CRISPLD2: variants seen among roughly 807,000 people sequenced by gnomAD.
The protein encoded by CRISPLD2 is cysteine-rich secretory protein LCCL domain-containing 2.
A neutral mutation model predicts 71.1 loss-of-function variants in CRISPLD2; 47 were observed. The observed-to-expected ratio is 0.66, with a 90% CI of 0.52 to 0.84. CRISPLD2 has a LOEUF of 0.84. CRISPLD2 is among the 40% of genes least tolerant of loss of function. The pLI is 0.00. For missense variants in CRISPLD2, 830 were observed against 651.1 expected, an observed-to-expected ratio of 1.27 and a Z score of -2.99; for synonymous variants, 317 against 250.1, an observed-to-expected ratio of 1.27 and a Z score of -2.52.
chr16:84,876,013 G>C (rs141112020), intron 11 of CRISPLD2, among the ~76,000 whole-genome samples: 24 of 152,252 alleles, frequency 1.6e-4, no homozygotes, highest in African/African-American at 5.5e-4. Flanking sequence ...GGACCAGCAG[G>C]GTTCAGCAAA....
At chr16:84,892,374 C>G (rs1207193054) in intron 14 of CRISPLD2, among the ~76,000 whole-genome samples, 1 of 152,232 alleles carries the variant, frequency 6.6e-6, no homozygotes, top group Non-Finnish European at 1.5e-5. Flanking sequence ...TGACACAAGT[C>G]AGTCAGCACA....
intron 1 of CRISPLD2, among the ~76,000 whole-genome samples, chr16:84,825,318 T>C (rs905888858): frequency 7.9e-5 from 12 of 152,106 alleles, no homozygotes; most frequent in African/African-American, 2.2e-4. Context: ...ACCTTAACAC[T>C]TTGGGAGGTC....
At chr16:84,906,018 T>C (rs1209186900) in intron 14 of CRISPLD2, among the ~76,000 whole-genome samples, 15 of 152,130 alleles carry the variant, frequency 9.9e-5, no homozygotes, top group Admixed American at 1.3e-4. Flanking sequence ...TAAAGCTCTT[T>C]TTTAAAAACC....
chr16:84,868,784 A>C (rs1004546363), intron 7 of CRISPLD2, 67 bp from the exon 8 acceptor site: 5 of 1,259,708 alleles, frequency 4.0e-6, no homozygotes, highest in South Asian at 3.6e-5. Flanking sequence ...GTCCCTCAGC[A>C]TGGGGAAGGG....
chr16:84,824,334 A>G (rs1258461014), intron 1 of CRISPLD2, among the ~76,000 whole-genome samples: 3 of 152,226 alleles, frequency 2.0e-5, no homozygotes, highest in Admixed American at 6.5e-5. Context: ...AACAGAGAGT[A>G]ACACGGTGGC....
intron 1 of CRISPLD2, among the ~76,000 whole-genome samples, chr16:84,825,572 A>G (rs886318285): frequency 5.3e-5 from 8 of 152,180 alleles, no homozygotes; most frequent in Admixed American, 4.6e-4. Flanking sequence ...CCTGGCTAAC[A>G]TGGCAAAACC....
In CRISPLD2 at chr16:84,898,359, C is replaced by T. The variant is rs184403441; in HGVS notation, c.1440-8229C>T. ...CATTCAAGGCCGCAGCTGCTTCGGC[C>T]CCTGCCCGCTCCCCCACCCTCTCTG... is the stretch of plus-strand genomic sequence containing the variant. On this transcript the variant is annotated intron_variant, in intron 14 of 14. Transcript: ENST00000262424. 1.9e-4 allele frequency among the ~76,000 whole-genome samples: 29 copies of T among 152,310 alleles called. No homozygotes were observed. In the East Asian group the frequency reaches 4.4e-3, roughly 23 times the overall value.
chr16:84,843,839 G>A (rs1258788361), intron 2 of CRISPLD2, among the ~76,000 whole-genome samples: 1 of 152,200 alleles, frequency 6.6e-6, no homozygotes, highest in Non-Finnish European at 1.5e-5. Context: ...TGTGACCTCA[G>A]GCATGCTACT....
chr16:84,838,335 C>T (rs1163402615), intron 1 of CRISPLD2, 87 bp from the exon 2 acceptor site: 14 of 796,382 alleles, frequency 1.8e-5, no homozygotes, highest in African/African-American at 6.9e-5. Context: ...TGGAGAGAGT[C>T]GTGTGTGCTG....
In CRISPLD2 at chr16:84,865,238, C is replaced by T. The variant is rs144801890; in HGVS notation, c.710-1659C>T. 6.4e-3 allele frequency among the ~76,000 whole-genome samples: 970 copies of T among 152,016 alleles called. 7 individuals are homozygous for T. Among genetic ancestry groups the T allele is most frequent in the African/African-American group, 0.022 (915 of 41,436 alleles). On this transcript the variant is annotated intron_variant, in intron 6 of 14. Coordinates refer to ENST00000262424, the MANE Select transcript of CRISPLD2 (RefSeq NM_031476.4). ...TGGCACGATCTCCACTCACTGCAAC[C>T]TCCACCTCCCAGGTTCAAGCAATTC...
At chr16:84,836,730 G>A (rs11149691) in intron 1 of CRISPLD2, among the ~76,000 whole-genome samples, 45,244 of 149,658 alleles carry the variant, frequency 0.3, 8,655 homozygotes, top group Non-Finnish European at 0.42. Flanking sequence ...TCCCCACCCC[G>A]GCCCCACCCG....
chr16:84,849,393 C>G lies in CRISPLD2; in HGVS notation c.368C>G (p.Ser123Cys). 6.2e-7 allele frequency: 1 copy of G among 1,613,328 alleles called. No individual in the cohort carries two copies. The highest frequency in any genetic ancestry group is 8.5e-7 in the Non-Finnish European group (1 of 1,179,424). Residue 123 changes from serine (S) to cysteine (C), a missense_variant, in exon 4 of 15, where the codon TCT becomes TGT. By Grantham distance (112) the Ser-to-Cys change is moderately radical. Coordinates refer to ENST00000262424, the MANE Select transcript of CRISPLD2 (RefSeq NM_031476.4). ...NLGAHWGRYRSPGFHVQSWYD... is the reference protein window; with the variant it reads ...NLGAHWGRYRCPGFHVQSWYD... ...CGGTTTCTGCCCTGCAGGTATCGCT[C>G]TCCGGGGTTCCATGTGCAGTCCTGG...
At chr16:84,864,229 A>T (rs1235621411) in intron 6 of CRISPLD2, among the ~76,000 whole-genome samples, 1 of 152,138 alleles carries the variant, frequency 6.6e-6, no homozygotes, top group East Asian at 1.9e-4. Context: ...GGGCCATACA[A>T]GGTGTCTTCA....
chr16:84,831,805 G>A (rs924372740), intron 1 of CRISPLD2, among the ~76,000 whole-genome samples: 3 of 152,158 alleles, frequency 2.0e-5, no homozygotes, highest in Non-Finnish European at 4.4e-5. Context: ...CACGATCTCG[G>A]CTCACTGCAA....
At chr16:84,862,709 G>A (rs1412157511) in intron 6 of CRISPLD2, among the ~76,000 whole-genome samples, 2 of 132,110 alleles carry the variant, frequency 1.5e-5, no homozygotes, top group African/African-American at 6.0e-5. Flanking sequence ...TGGCTCCACT[G>A]GCAGCCTTGC....
rs764980618 is a variant in CRISPLD2, at chr16:84,906,758, T to C, written c.*116T>C. 5 of 1,166,638 alleles carry C rather than the reference T, an allele frequency of 4.3e-6. No individual in the cohort carries two copies. Among genetic ancestry groups the C allele is most frequent in the Non-Finnish European group, 6.4e-6 (5 of 779,802 alleles). 72.3% of individuals were successfully genotyped at this position (1,166,638 alleles called of 1,614,324 possible). A position where few individuals can be genotyped will look rare whatever the true frequency, so the allele number is the denominator to read the frequency against. On this transcript the variant is annotated 3_prime_UTR_variant, in exon 15 of 15. Transcript: ENST00000262424. ...GTCAGGAAACTTCCTTTGACTGATGTTCAGTGTCCATCACTTTGTGGCCTG... is the reference window on the plus strand; with the variant it reads ...GTCAGGAAACTTCCTTTGACTGATGCTCAGTGTCCATCACTTTGTGGCCTG...
At position 84,906,677 on chromosome 16, in the gene CRISPLD2, G is replaced by A; in HGVS notation, c.*35G>A. On this transcript the variant is annotated 3_prime_UTR_variant, in exon 15 of 15. Transcript: ENST00000262424. Reference sequence around the variant, plus strand: ...ACCAGGGGAGAAGGGGCGTCTTCAGGAGGGCTTCGGGGTTTTGCTTTTATT... The same window carrying A: ...ACCAGGGGAGAAGGGGCGTCTTCAGAAGGGCTTCGGGGTTTTGCTTTTATT... 1 of 1,612,472 alleles carries A rather than the reference G, an allele frequency of 6.2e-7. No individual in the cohort carries two copies. The highest frequency in any genetic ancestry group is 1.7e-5 in the Admixed American group (1 of 60,022).
chr16:84,835,389 G>T (rs2143163405), intron 1 of CRISPLD2, among the ~76,000 whole-genome samples: 1 of 152,220 alleles, frequency 6.6e-6, no homozygotes, highest in East Asian at 1.9e-4. Flanking sequence ...CCGGCCTATG[G>T]TTACTTTTCT....
intron 11 of CRISPLD2, 39 bp downstream of exon 11, chr16:84,874,002 G>C (rs368892376): frequency 1.3e-6 from 2 of 1,547,514 alleles, no homozygotes; most frequent in South Asian, 1.2e-5. Context: ...TAATACCTGG[G>C]TTATCTCAGA....
Sources: gnomAD v4.1 joint callset for allele counts (sites outside exome capture counted in the v4.1 genomes callset) on GRCh38, gnomAD v4.1.1 for gene constraint, MANE v1.5 for transcripts, NCBI Gene and HGNC (gene_info 2026-07-23, HGNC 2026-07-21) for gene names.